The following RMDN2 variants were observed in gnomAD, a reference collection of about 807,000 sequenced individuals.
RMDN2 encodes regulator of microtubule dynamics protein 2.
In RMDN2, 61 loss-of-function variants were observed where a neutral mutation model predicts 52.8. That is an observed-to-expected ratio of 1.16 (90% CI 0.94 to 1.43). The LOEUF is 1.43. Ranked by LOEUF, RMDN2 falls within the 40% of genes most tolerant of loss-of-function variation. The pLI is 0.00. For synonymous variants in RMDN2, 180 were observed against 153.1 expected, an observed-to-expected ratio of 1.18 and a Z score of -1.30; for missense variants, 592 against 475.3, an observed-to-expected ratio of 1.25 and a Z score of -2.28.
At chr2:37,957,832 A>AG (rs1669678049) in intron 2 of RMDN2, among the ~76,000 whole-genome samples, 1 of 152,204 alleles carries the variant, frequency 6.6e-6, no homozygotes, top group Non-Finnish European at 1.5e-5. Context: ...ATAAGGTATA[A>AG]GGAAGGGGTC....
At chr2:38,042,993 A>G (rs778202212) in intron 10 of RMDN2, among the ~76,000 whole-genome samples, 9 of 152,198 alleles carry the variant, frequency 5.9e-5, no homozygotes, top group Non-Finnish European at 1.3e-4. Flanking sequence ...GGAGAATTCT[A>G]TATCATTTAT....
At chr2:37,997,893 C>T (rs1381290978) in intron 8 of RMDN2, 1 of 174,346 alleles carries the variant, frequency 5.7e-6, no homozygotes, top group African/African-American at 2.4e-5. Context: ...ATTAGCCTAA[C>T]ATAGAACCAG....
chr2:37,993,408 TATGCAGACTAGAGA>T (rs1252119107), intron 7 of RMDN2, among the ~76,000 whole-genome samples: 1 of 152,008 alleles, frequency 6.6e-6, no homozygotes, highest in Non-Finnish European at 1.5e-5. Context: ...GTTTCCAGCA[TATGCAGACTAGAGA>T]ACTCAAAATT....
rs80137687 is a variant in RMDN2 at position 38,039,714 on chromosome 2, G to T, written c.1714-27268G>T. 1.1e-4 allele frequency among the ~76,000 whole-genome samples: 16 copies of T among 152,266 alleles called. No individual in the cohort carries two copies. The East Asian group carries it at 3.1e-3, about 29-fold the overall frequency. The stretch of plus-strand genomic sequence containing the variant: ...ATGGGTTCCCTGAAGGTGCACATGG[G>T]GTCAGAAGGGACAGCTGGGAAGGGT... On this transcript the variant is annotated intron_variant, in intron 10 of 10. Coordinates refer to the RMDN2 transcript ENST00000234195.
At chr2:38,058,809 C>G (rs1681936503) in intron 10 of RMDN2, among the ~76,000 whole-genome samples, 1 of 152,136 alleles carries the variant, frequency 6.6e-6, no homozygotes, top group Admixed American at 6.5e-5. Context: ...GGCTCCTCTG[C>G]CTATGGGAAA....
chr2:37,942,406 C>G (rs1325966472), intron 2 of RMDN2, among the ~76,000 whole-genome samples: 1 of 152,082 alleles, frequency 6.6e-6, no homozygotes, highest in Non-Finnish European at 1.5e-5. Context: ...TGAACACTTT[C>G]CTTCATAATT....
chr2:38,015,051 A>G lies in RMDN2; in HGVS notation c.1180-2135A>G, dbSNP rs1309647435. Among the ~76,000 whole-genome samples, 3 of 152,246 alleles carry G rather than the reference A, an allele frequency of 2.0e-5. No individual in the cohort carries two copies. The East Asian group carries it at 5.8e-4, about 29-fold the overall frequency. On this transcript the variant is annotated intron_variant, in intron 10 of 10. Coordinates refer to ENST00000354545, the MANE Select transcript of RMDN2 (RefSeq NM_001170791.3). Reference sequence around the variant, plus strand: ...TTAAATATTTAAGACTTGCTTGGACAGTAGAGGGCTCATTAAAAATACAGG... The same window carrying G: ...TTAAATATTTAAGACTTGCTTGGACGGTAGAGGGCTCATTAAAAATACAGG...
In RMDN2 at chr2:37,977,645, G is replaced by C. The variant is rs535289928; in HGVS notation, c.730+2331G>C. On this transcript the variant is annotated intron_variant, in intron 4 of 10. Transcript: ENST00000354545. ...GAGACCTCCTCACCTCCCAGACGGG[G>C]TGCCAGTGGGGCAGAGACACTCCTC... Among the ~76,000 whole-genome samples, 8 of 152,178 alleles carry C rather than the reference G, an allele frequency of 5.3e-5. No homozygotes were observed. In the South Asian group the frequency reaches 1.5e-3, roughly 28 times the overall value.
At chr2:37,950,223 G>T in intron 2 of RMDN2, 1 of 380,178 alleles carries the variant, frequency 2.6e-6, no homozygotes, top group Non-Finnish European at 5.0e-6. Flanking sequence ...AGGTGAGAGA[G>T]ATGGTCCAAG....
At chr2:38,003,876 TC>T in intron 8 of RMDN2, 114 bp from the exon 9 acceptor site, 1 of 798,252 alleles carries the variant, frequency 1.3e-6, no homozygotes, top group South Asian at 1.6e-5. Flanking sequence ...CAACCTAAAT[TC>T]TTAGGGCAGT....
chr2:37,968,328 A>G (rs569841027), intron 2 of RMDN2, among the ~76,000 whole-genome samples: 51 of 116,730 alleles, frequency 4.4e-4, no homozygotes, highest in African/African-American at 1.9e-3. Context: ...CTGTAATCCC[A>G]GCTTGGGGGG....
chr2:38,042,486 C>T (rs187859952), intron 10 of RMDN2, among the ~76,000 whole-genome samples: 4 of 151,604 alleles, frequency 2.6e-5, no homozygotes, highest in Non-Finnish European at 5.9e-5. Flanking sequence ...AATTCATTTT[C>T]TCTATTTTTC....
chr2:38,014,330 CTT>C (rs750985412), intron 10 of RMDN2, among the ~76,000 whole-genome samples: 203 of 152,314 alleles, frequency 1.3e-3, no homozygotes, highest in Non-Finnish European at 2.2e-3. Flanking sequence ...TATTTCTACT[CTT>C]TTGACTCTTA....
intron 7 of RMDN2, 42 bp downstream of exon 7, chr2:37,991,339 C>G: frequency 1.0e-6 from 1 of 990,240 alleles, no homozygotes; most frequent in Non-Finnish European, 1.5e-6. Flanking sequence ...TTTGAATATA[C>G]TATGATTATA....
rs966588745 is a variant in RMDN2, at chr2:37,930,555, G to C, written c.452+826G>C. Reference sequence around the variant, plus strand: ...TTAAATACAAGCTGGAGGGCAGGGCGCAGGTGGGACAGGCAAGAGACAGCA... The same window carrying C: ...TTAAATACAAGCTGGAGGGCAGGGCCCAGGTGGGACAGGCAAGAGACAGCA... On this transcript the variant is annotated intron_variant, in intron 2 of 10. Transcript: ENST00000354545. Among the ~76,000 whole-genome samples the C allele has an allele frequency of 2.0e-5, 3 of 152,166 alleles. No individual in the cohort carries two copies. In the East Asian group the frequency reaches 5.8e-4, roughly 29 times the overall value.
intron 1 of RMDN2, among the ~76,000 whole-genome samples, chr2:37,926,896 A>G (rs896760543): frequency 6.6e-6 from 1 of 151,998 alleles, no homozygotes; most frequent in African/African-American, 2.4e-5. Flanking sequence ...TGATTGTACC[A>G]CTGCACTCCA....
At chr2:37,926,471 A>G (rs903561789) in intron 1 of RMDN2, among the ~76,000 whole-genome samples, 3 of 152,232 alleles carry the variant, frequency 2.0e-5, no homozygotes, top group African/African-American at 4.8e-5. Context: ...GCCATAATCT[A>G]TATTAAAATG....
At chr2:37,933,742 G>A (rs991768254) in intron 2 of RMDN2, among the ~76,000 whole-genome samples, 10 of 152,154 alleles carry the variant, frequency 6.6e-5, no homozygotes, top group African/African-American at 2.2e-4. Context: ...GCTTCGGCTC[G>A]GCATCAGAGG....
intron 2 of RMDN2, among the ~76,000 whole-genome samples, chr2:37,944,763 G>C (rs1197329061): frequency 6.6e-6 from 1 of 152,176 alleles, no homozygotes; most frequent in Non-Finnish European, 1.5e-5. Context: ...TAGATGGAAG[G>C]AGGTTGTGTA....
Sources: gnomAD v4.1 joint callset for allele counts (sites outside exome capture counted in the v4.1 genomes callset) on GRCh38, gnomAD v4.1.1 for gene constraint, MANE v1.5 for transcripts, NCBI Gene and HGNC (gene_info 2026-07-23, HGNC 2026-07-21) for gene names.